Variants in NOVA1 observed in about 807,000 individuals in gnomAD.
The protein encoded by NOVA1 is RNA-binding protein Nova-1.
NOVA1 carries 7 observed loss-of-function variants against 38.0 expected under a neutral mutation model. That is an observed-to-expected ratio of 0.18 (90% CI 0.10 to 0.35). NOVA1 has a LOEUF of 0.35. Among genes scored for constraint, NOVA1 ranks in the 10% least tolerant of loss-of-function variants. The pLI, the probability that NOVA1 is intolerant of heterozygous loss-of-function variation, is 1.00. For synonymous variants in NOVA1, 270 were observed against 232.5 expected, an observed-to-expected ratio of 1.16 and a Z score of -1.47; for missense variants, 460 against 616.0, an observed-to-expected ratio of 0.75 and a Z score of 2.68.
intron 4 of NOVA1, among the ~76,000 whole-genome samples, chr14:26,468,156 G>T (rs947946228): frequency 2.0e-4 from 31 of 152,150 alleles, no homozygotes; most frequent in African/African-American, 7.2e-4. Flanking sequence ...AATGTGGAGA[G>T]ATTCTCCTAC....
At chr14:26,588,881 AT>A (rs11361193) in intron 2 of NOVA1, among the ~76,000 whole-genome samples, 30,333 of 151,170 alleles carry the variant, frequency 0.2, 3,257 homozygotes, top group East Asian at 0.33. Flanking sequence ...AATTCCAACT[AT>A]TCATAATTAA....
rs1194172207 is a variant in NOVA1, at chr14:26,448,593, A to G, written c.890T>C (p.Val297Ala). The change falls in exon 5 of 5, where the codon GTT becomes GCT. Residue 297 changes from valine to alanine, a missense_variant. Transcript: ENST00000539517. This position sits in a 1 kb window ranked among gnomAD's most constrained non-coding sequence, Gnocchi z 5.3. ...AGATAAAACTGCTGGAAAGGCTGCAACGCCAGCAAGGTTAGCATGTCCTAA... is the reference window on the plus strand; with the variant it reads ...AGATAAAACTGCTGGAAAGGCTGCAGCGCCAGCAAGGTTAGCATGTCCTAA... ...GLLGHANLAG[V>A]AAFPAVLSGF... 15 of 1,614,100 alleles carry G rather than the reference A, an allele frequency of 9.3e-6. No individual in the cohort carries two copies. Among genetic ancestry groups the G allele is most frequent in the Non-Finnish European group, 1.3e-5 (15 of 1,180,050 alleles).
At chr14:26,505,470 T>C (rs1204758952) in intron 2 of NOVA1, among the ~76,000 whole-genome samples, 1 of 152,056 alleles carries the variant, frequency 6.6e-6, no homozygotes, top group Non-Finnish European at 1.5e-5. Context: ...CCACCATGAC[T>C]GTAAGTTTCC....
Position 26,448,670 on chromosome 14 carries a change from A to C in NOVA1, c.813T>G (p.Pro271=), listed in dbSNP as rs764914532. 15 of 1,614,106 alleles carry C rather than the reference A, an allele frequency of 9.3e-6. No individual in the cohort carries two copies. Among genetic ancestry groups the C allele is most frequent in the South Asian group, 8.8e-5 (8 of 91,092 alleles). Residue 271 remains proline (P), a synonymous_variant, in exon 5 of 5, where the codon CCT becomes CCG. Transcript: ENST00000539517. The surrounding 1 kb of genome is among the most constrained non-coding windows in gnomAD (Gnocchi z 5.3). ...PVANSNPTGS[P]YANTAEVLPT... is the part of the protein sequence containing the mutation. Reference sequence around the variant, plus strand: ...GTAACACTTCAGCAGTGTTTGCATAAGGAGATCCGGTTGGATTGGAATTTG... The same window carrying C: ...GTAACACTTCAGCAGTGTTTGCATACGGAGATCCGGTTGGATTGGAATTTG...
intron 2 of NOVA1, among the ~76,000 whole-genome samples, chr14:26,565,457 CT>C (rs1296442414): frequency 6.6e-6 from 1 of 152,092 alleles, no homozygotes; most frequent in African/African-American, 2.4e-5. Flanking sequence ...TTCCCTAATT[CT>C]ACAGTCCACC....
At chr14:26,584,405 T>A (rs1464610721) in intron 2 of NOVA1, among the ~76,000 whole-genome samples, 1 of 151,534 alleles carries the variant, frequency 6.6e-6, no homozygotes, top group Non-Finnish European at 1.5e-5. Context: ...TAAATATATA[T>A]TTTTTAATTA....
intron 2 of NOVA1, among the ~76,000 whole-genome samples, chr14:26,553,673 G>A (rs1891302135): frequency 6.6e-6 from 1 of 152,150 alleles, no homozygotes; most frequent in Non-Finnish European, 1.5e-5. Context: ...GCCTCCAGTT[G>A]ATGGGGACTC....
chr14:26,514,745 T>C (rs1888336005), intron 2 of NOVA1, among the ~76,000 whole-genome samples: 1 of 151,886 alleles, frequency 6.6e-6, no homozygotes, highest in Non-Finnish European at 1.5e-5. Context: ...TCTTCAAAGT[T>C]TAAATATTTC....
chr14:26,513,769 C>G (rs1888267225), intron 2 of NOVA1, among the ~76,000 whole-genome samples: 2 of 151,550 alleles, frequency 1.3e-5, no homozygotes, highest in Admixed American at 1.3e-4. Context: ...TAATTGGGAA[C>G]TAGAAATGAA....
chr14:26,457,815 T>G (rs979867346), intron 4 of NOVA1, among the ~76,000 whole-genome samples: 16 of 152,250 alleles, frequency 1.1e-4, no homozygotes, highest in Non-Finnish European at 2.2e-4. Flanking sequence ...TGTGTATTAG[T>G]GCCCCCAAAG....
chr14:26,461,766 TA>T (rs67979659), intron 4 of NOVA1, among the ~76,000 whole-genome samples: 104 of 125,902 alleles, frequency 8.3e-4, no homozygotes, highest in Admixed American at 1.1e-3. Context: ...CCATCTTTAC[TA>T]AAAAAAAAAA....
intron 2 of NOVA1, among the ~76,000 whole-genome samples, chr14:26,522,274 A>T (rs1888954265): frequency 1.3e-5 from 2 of 152,144 alleles, no homozygotes; most frequent in Non-Finnish European, 2.9e-5. Flanking sequence ...ATTTTGAAAT[A>T]TGGAAATTTC....
At chr14:26,596,779 T>G (rs1420229703) in intron 1 of NOVA1, 3 of 1,208,240 alleles carry the variant, frequency 2.5e-6, no homozygotes, top group Non-Finnish European at 3.2e-6. Flanking sequence ...GGTAAGGGCA[T>G]GCACTCATCA....
At position 26,597,507 on chromosome 14, in the gene NOVA1, CT is replaced by C. The variant is rs563401938; in HGVS notation, c.-72del. On this transcript the variant is annotated 5_prime_UTR_variant, in exon 1 of 5. Transcript: ENST00000539517. ...GTTTTGGCTTTTTCTTTTCTTTTTT[CT>C]TTTTTTTTTTTTTTTTTTTTTGCGT... 56,758 of 749,542 alleles carry C rather than the reference CT, an allele frequency of 0.076. 51 individuals carry two copies. The highest frequency in any genetic ancestry group is 0.19 in the African/African-American group (4,633 of 23,960). The allele number at this position is 749,542 out of a possible 1,614,324, so 46.4% of individuals were successfully genotyped here.
intron 2 of NOVA1, among the ~76,000 whole-genome samples, chr14:26,542,673 CT>C: frequency 6.8e-6 from 1 of 146,612 alleles, no homozygotes; most frequent in Non-Finnish European, 1.5e-5. Flanking sequence ...CTGACCATAT[CT>C]AAAGATGGAA....
At position 26,512,771 on chromosome 14, in the gene NOVA1, T is replaced by C. The variant is rs1758055418; in HGVS notation, c.281-32628A>G. Among the ~76,000 whole-genome samples the C allele has an allele frequency of 3.9e-5, 6 of 152,036 alleles. No individual in the cohort carries two copies. In the South Asian group the frequency reaches 1.2e-3, roughly 31 times the overall value. On this transcript the variant is annotated intron_variant, in intron 2 of 4. Transcript: ENST00000539517. ...GCATAATTTGAAAAGTAGAAAAATA[T>C]ATGCAAATATTATAAAACTTTACTT...
At chr14:26,490,378 T>C (rs574973747) in intron 2 of NOVA1, among the ~76,000 whole-genome samples, 1 of 152,214 alleles carries the variant, frequency 6.6e-6, no homozygotes, top group Non-Finnish European at 1.5e-5. Flanking sequence ...AGGAGTGGAA[T>C]TGTTGACTAA....
intron 2 of NOVA1, among the ~76,000 whole-genome samples, chr14:26,538,212 T>A (rs912960774): frequency 3.9e-5 from 6 of 152,010 alleles, no homozygotes; most frequent in Non-Finnish European, 7.4e-5. Flanking sequence ...AATCCACAAC[T>A]GAAAAATACA....
chr14:26,463,062 T>C (rs1374641714), intron 4 of NOVA1, among the ~76,000 whole-genome samples: 1 of 152,178 alleles, frequency 6.6e-6, no homozygotes, highest in Non-Finnish European at 1.5e-5. Context: ...ATGACAATAT[T>C]CTAGGCTAGT....
Sources: gnomAD v4.1 joint callset for allele counts (sites outside exome capture counted in the v4.1 genomes callset) on GRCh38, gnomAD v4.1.1 for gene constraint, Gnocchi (gnomAD v3.1) non-coding constraint, MANE v1.5 for transcripts, NCBI Gene and HGNC (gene_info 2026-07-23, HGNC 2026-07-21) for gene names.